Variants in RAI1 observed in about 807,000 individuals in gnomAD.
RAI1 encodes retinoic acid-induced protein 1.
Under a neutral mutation model 123.8 loss-of-function variants are expected in RAI1, and 9 were observed. That is an observed-to-expected ratio of 0.07 (90% CI 0.04 to 0.13). The LOEUF is 0.13. RAI1 is among the 10% of genes least tolerant of loss of function. The pLI is 1.00. For synonymous variants in RAI1, 1,231 were observed against 1,127.3 expected (o/e 1.09, Z -1.84); for missense variants, 2,256 against 2,545.8 (o/e 0.89, Z 2.45).
At chr17:17,807,935 G>A (rs2032626981) in intron 4 of RAI1, among the ~76,000 whole-genome samples, 2 of 152,176 alleles carry the variant, frequency 1.3e-5, no homozygotes, top group South Asian at 2.1e-4. Context: ...AGGGCAGATC[G>A]CCTCAGAGAG....
At chr17:17,760,583 C>T (rs1426828215) in intron 2 of RAI1, among the ~76,000 whole-genome samples, 2 of 152,340 alleles carry the variant, frequency 1.3e-5, no homozygotes, top group Admixed American at 1.3e-4. Flanking sequence ...CCAAGGAGGC[C>T]CCCAGCCCCA....
At chr17:17,772,369 GCCT>G (rs1333954428) in intron 2 of RAI1, among the ~76,000 whole-genome samples, 2 of 152,098 alleles carry the variant, frequency 1.3e-5, no homozygotes, top group Non-Finnish European at 2.9e-5. Flanking sequence ...CTGTTCACTG[GCCT>G]CCTGGCCTCC....
chr17:17,735,744 A>G (rs1401347700), intron 2 of RAI1, among the ~76,000 whole-genome samples: 2 of 152,192 alleles, frequency 1.3e-5, no homozygotes, highest in African/African-American at 4.8e-5. Context: ...TTAGGTGGGT[A>G]GGTGTGCAAG....
At chr17:17,700,961 A>C (rs1372829493) in intron 1 of RAI1, among the ~76,000 whole-genome samples, 1 of 152,168 alleles carries the variant, frequency 6.6e-6, no homozygotes, top group Non-Finnish European at 1.5e-5. Context: ...TGAGGGTTGA[A>C]TGTGACCTCG....
chr17:17,738,102 T>A (rs917981290), intron 2 of RAI1, among the ~76,000 whole-genome samples: 5 of 151,636 alleles, frequency 3.3e-5, no homozygotes, highest in Non-Finnish European at 4.4e-5. Flanking sequence ...CAGTATGGCA[T>A]AGTATGGCCT....
chr17:17,748,528 G>A (rs115739597), intron 2 of RAI1, among the ~76,000 whole-genome samples: 1 of 152,356 alleles, frequency 6.6e-6, no homozygotes, highest in African/African-American at 2.4e-5. Context: ...CAACAACCCT[G>A]TGAGATAGGA....
At chr17:17,746,586 G>A (rs981513997) in intron 2 of RAI1, among the ~76,000 whole-genome samples, 3 of 151,734 alleles carry the variant, frequency 2.0e-5, no homozygotes, top group Admixed American at 6.6e-5. Flanking sequence ...AAAAGCCATC[G>A]CCTGTCCCAG....
intron 2 of RAI1, among the ~76,000 whole-genome samples, chr17:17,774,243 C>G (rs2031259664): frequency 6.6e-6 from 1 of 152,272 alleles, no homozygotes; most frequent in Non-Finnish European, 1.5e-5. Flanking sequence ...CATTTAATCA[C>G]TATCCCTATT....
rs893286224 is a variant in RAI1 at position 17,761,382 on chromosome 17, C to T, written c.-16-31551C>T. On this transcript the variant is annotated intron_variant, in intron 2 of 5. Coordinates refer to ENST00000353383, the MANE Select transcript of RAI1 (RefSeq NM_030665.4). ...TCGTACCAATCCATTTACCAGCCCA[C>T]GTCATTAGCTTTTTCTGAGCACCTA... Among the ~76,000 whole-genome samples, 7 of 152,212 alleles carry T rather than the reference C, an allele frequency of 4.6e-5. No individual in the cohort carries two copies. The East Asian group carries it at 1.4e-3, about 29-fold the overall frequency.
At chr17:17,723,111 C>G (rs144179637) in intron 1 of RAI1, among the ~76,000 whole-genome samples, 2,624 of 152,272 alleles carry the variant, frequency 0.017, 74 homozygotes, top group African/African-American at 0.059. Flanking sequence ...CCCACCAGCC[C>G]ACTCGCAAAC....
intron 2 of RAI1, among the ~76,000 whole-genome samples, chr17:17,750,554 T>C (rs570542310): frequency 6.6e-6 from 1 of 151,698 alleles, no homozygotes; most frequent in African/African-American, 2.4e-5. Flanking sequence ...AAACCTTGTC[T>C]CTACTAAAAA....
chr17:17,798,491 C>T lies in RAI1; in HGVS notation c.5543C>T (p.Ala1848Val). 2 of 1,602,464 alleles carry T rather than the reference C, an allele frequency of 1.2e-6. No individual in the cohort carries two copies. The highest frequency in any genetic ancestry group is 1.1e-5 in the South Asian group (1 of 91,026). ...VAGKLFGLQE[A>V]MKVAVDMMCS... ...GGGAAGCTCTTTGGGCTGCAGGAGG[C>T]CATGAAGGTGGCCGTGGACATGGTA... Residue 1848 changes from alanine (A) to valine (V), a missense_variant, in exon 3 of 6, where the codon GCC (alanine) becomes GTC (valine). This residue lies in a region of RAI1 where 243 missense variants were observed against 316.6 expected (regional missense o/e 0.77). Coordinates refer to ENST00000353383, the MANE Select transcript of RAI1 (RefSeq NM_030665.4).
rs751485697 is a variant in RAI1, at chr17:17,795,435, C to T, written c.2487C>T (p.Pro829=). The T allele has an allele frequency of 8.8e-6, 14 of 1,590,408 alleles. No homozygotes were observed. The highest frequency in any genetic ancestry group is 6.8e-5 in the East Asian group (3 of 44,116). ...AGGCAGGTGGGCTGCTGCAGTGCCC[C>T]GAGGTGGCCAAGGCTGACCGGTGGC... ...KEEAGGLLQC[P]EVAKADRWLE... is the part of the protein sequence containing the mutation. Residue 829 remains proline, a synonymous_variant, in exon 3 of 6, where the codon CCC becomes CCT. Coordinates refer to ENST00000353383, the MANE Select transcript of RAI1 (RefSeq NM_030665.4). This position sits in a 1 kb window ranked among gnomAD's most constrained non-coding sequence, Gnocchi z 5.9.
chr17:17,703,059 C>T (rs1286937064), intron 1 of RAI1, among the ~76,000 whole-genome samples: 1 of 152,204 alleles, frequency 6.6e-6, no homozygotes, highest in Non-Finnish European at 1.5e-5. Context: ...TGCTTGTGGA[C>T]TGGATGATTG....
At chr17:17,715,658 C>T (rs989597876) in intron 1 of RAI1, among the ~76,000 whole-genome samples, 3 of 152,190 alleles carry the variant, frequency 2.0e-5, no homozygotes, top group African/African-American at 2.4e-5. Flanking sequence ...GTGTCCCTCC[C>T]GCTCCTGACC....
chr17:17,797,481 G>C lies in RAI1; in HGVS notation c.4533G>C (p.Pro1511=). The change falls in exon 3 of 6, where the codon CCG becomes CCC. Residue 1511 remains proline, a synonymous_variant. Transcript: ENST00000353383. Reference sequence around the variant, plus strand: ...AGCTGGGCCTGGCCTCCCAGCCCCCGGAGGGCAGGCCCTGCCAGCCCCAGA... The same window carrying C: ...AGCTGGGCCTGGCCTCCCAGCCCCCCGAGGGCAGGCCCTGCCAGCCCCAGA... ...MEELGLASQP[P]EGRPCQPQTR... is the part of the protein sequence containing the mutation. The C allele has an allele frequency of 1.9e-6, 3 of 1,613,262 alleles. No homozygotes were observed. Among genetic ancestry groups the C allele is most frequent in the Non-Finnish European group, 2.5e-6 (3 of 1,179,770 alleles).
rs116352373 is a variant in RAI1, at chr17:17,748,063, A to G, written c.-17+23904A>G. Among the ~76,000 whole-genome samples the G allele has an allele frequency of 4.2e-3, 636 of 152,322 alleles. 4 individuals are homozygous for G. Among genetic ancestry groups the G allele is most frequent in the African/African-American group, 0.014 (598 of 41,570 alleles). Reference sequence around the variant, plus strand: ...TGGGCGACAGAGCAAGACCAGTTCTACCTGGCTAGGGTGGCCCCAGAGTCA... The same window carrying G: ...TGGGCGACAGAGCAAGACCAGTTCTGCCTGGCTAGGGTGGCCCCAGAGTCA... On this transcript the variant is annotated intron_variant, in intron 2 of 5. Transcript: ENST00000353383.
At chr17:17,700,942 A>G (rs1598020535) in intron 1 of RAI1, among the ~76,000 whole-genome samples, 2 of 152,180 alleles carry the variant, frequency 1.3e-5, no homozygotes, top group African/African-American at 4.8e-5. Context: ...ATTACGTGCC[A>G]GGCGCTCTTG....
intron 2 of RAI1, among the ~76,000 whole-genome samples, chr17:17,786,872 G>A (rs780437984): frequency 1.3e-5 from 2 of 152,180 alleles, no homozygotes; most frequent in African/African-American, 2.4e-5. Context: ...TCGGGAGCTC[G>A]AGACCAGCCT....
Sources: gnomAD v4.1 joint callset for allele counts (sites outside exome capture counted in the v4.1 genomes callset) on GRCh38, gnomAD v4.1.1 for gene constraint, gnomAD v4.1.1 regional missense constraint, Gnocchi (gnomAD v3.1) non-coding constraint, MANE v1.5 for transcripts, NCBI Gene and HGNC (gene_info 2026-07-23, HGNC 2026-07-21) for gene names.